KIF24: variants seen among roughly 807,000 people sequenced by gnomAD.
The protein encoded by KIF24 is kinesin family member 24.
Under a neutral mutation model 118.9 loss-of-function variants are expected in KIF24, and 81 were observed. The ratio of observed to expected loss-of-function variants is 0.68; its 90% CI spans 0.57 to 0.82. The LOEUF (loss-of-function observed/expected upper bound fraction) is 0.82, where lower values mean the gene tolerates loss of function less well. Among genes scored for constraint, KIF24 ranks in the 40% least tolerant of loss-of-function variants. The pLI is 0.00. For missense variants in KIF24, 1,560 were observed against 1,661.6 expected, an observed-to-expected ratio of 0.94 and a Z score of 1.06; for synonymous variants, 599 against 610.0, an observed-to-expected ratio of 0.98 and a Z score of 0.27.
At chr9:34,329,571 G>C (rs1188388245), upstream of KIF24, 1 of 152,262 alleles carries the variant, frequency 6.6e-6, no homozygotes, top group Non-Finnish European at 1.5e-5. Flanking sequence ...TTCCGTCCAA[G>C]GTCCGCCTCC....
chr9:34,259,639 C>G lies in KIF24; in HGVS notation c.1582G>C (p.Val528Leu). The G allele has an allele frequency of 6.2e-7, 1 of 1,613,868 alleles. No homozygotes were observed. The highest frequency in any genetic ancestry group is 8.5e-7 in the Non-Finnish European group (1 of 1,179,814). The stretch of plus-strand genomic sequence containing the variant: ...GTGTTGAGAGTGTGTTCAGTGGCCA[C>G]GTGGCTTGGTGAGATGTTGGCGATC... ...CMIANISPSH[V>L]ATEHTLNTLR... The change falls in exon 10 of 13, where the codon GTG (valine) becomes CTG (leucine). Residue 528 changes from valine to leucine, a missense_variant. Around this residue, in one of 3 missense-constraint regions of KIF24, gnomAD observed 964 missense variants for 988.0 expected, o/e 0.98. Transcript: ENST00000402558.
Position 34,257,180 on chromosome 9 carries a change from G to A in KIF24, c.2427C>T (p.His809=). The A allele has an allele frequency of 6.2e-7, 1 of 1,614,024 alleles. No individual in the cohort carries two copies. The highest frequency in any genetic ancestry group is 8.5e-7 in the Non-Finnish European group (1 of 1,179,892). ...QLTNETPPLF[H]SYSENHDGAQ... is the part of the protein sequence containing the mutation. ...CTCCATCATGGTTTTCAGAGTAAGA[G>A]TGGAACAGAGGCGGAGTCTCATTCG... The change falls in exon 11 of 13, where the codon CAC becomes CAT. Residue 809 remains histidine (H), a synonymous_variant. Transcript: ENST00000402558.
intron 1 of KIF24, chr9:34,319,061 G>A: frequency 7.7e-7 from 1 of 1,302,808 alleles, no homozygotes; most frequent in Non-Finnish European, 1.1e-6. Context: ...CAAGATGGTG[G>A]AAAACCGTGG....
At chr9:34,293,999 T>C (rs545327680) in intron 4 of KIF24, among the ~76,000 whole-genome samples, 21 of 152,356 alleles carry the variant, frequency 1.4e-4, no homozygotes, top group Admixed American at 1.2e-3. Context: ...AGACAGGGTC[T>C]TGCTCTGTTG....
chr9:34,305,767 C>A (rs1249701607), intron 3 of KIF24, among the ~76,000 whole-genome samples: 4 of 151,988 alleles, frequency 2.6e-5, no homozygotes, highest in Non-Finnish European at 5.9e-5. Context: ...CCATGCTGGG[C>A]TAGTTTTAAG....
intron 1 of KIF24, among the ~76,000 whole-genome samples, chr9:34,325,169 C>T (rs891763796): frequency 4.0e-5 from 6 of 151,408 alleles, no homozygotes; most frequent in African/African-American, 1.2e-4. Flanking sequence ...GAGAACCCAT[C>T]TCTATAAATA....
chr9:34,330,752 G>A (rs1837894183), upstream of KIF24, among the ~76,000 whole-genome samples: 1 of 152,116 alleles, frequency 6.6e-6, no homozygotes, highest in African/African-American at 2.4e-5. Context: ...ACGAGGTCAG[G>A]AGATCGAGAC....
chr9:34,315,835 T>C (rs1470745288), intron 1 of KIF24, among the ~76,000 whole-genome samples: 12 of 151,736 alleles, frequency 7.9e-5, no homozygotes, highest in Admixed American at 7.9e-4. Flanking sequence ...TTGAGAACAG[T>C]CTGGCCAACA....
At chr9:34,297,201 A>G in intron 3 of KIF24, 87 bp from the exon 4 acceptor site, 2 of 731,590 alleles carry the variant, frequency 2.7e-6, no homozygotes, top group Non-Finnish European at 4.6e-6. Flanking sequence ...AAATGCCAAA[A>G]TATGTCTTTA....
intron 1 of KIF24, among the ~76,000 whole-genome samples, chr9:34,327,532 C>T (rs7040339): frequency 0.95 from 143,877 of 152,176 alleles, 68,292 homozygotes; most frequent in Non-Finnish European, 0.99. Context: ...ATGTAATATG[C>T]ATATAAAGCC....
At chr9:34,308,530 C>A (rs1345333181) in intron 2 of KIF24, among the ~76,000 whole-genome samples, 1 of 151,542 alleles carries the variant, frequency 6.6e-6, no homozygotes, top group Non-Finnish European at 1.5e-5. Flanking sequence ...GTGATCCACC[C>A]GCCTTGGCCT....
chr9:34,268,886 T>C (rs1010126130), intron 8 of KIF24, among the ~76,000 whole-genome samples: 17 of 152,204 alleles, frequency 1.1e-4, no homozygotes, highest in Admixed American at 8.5e-4. Flanking sequence ...CTGTTGAATC[T>C]GACAGGTATA....
At chr9:34,268,192 GCT>G (rs1472593938) in intron 8 of KIF24, among the ~76,000 whole-genome samples, 1 of 152,038 alleles carries the variant, frequency 6.6e-6, no homozygotes, top group African/African-American at 2.4e-5. Flanking sequence ...ATGGAGTCTT[GCT>G]CTGTTGTTGC....
At chr9:34,311,831 T>C (rs527531476) in intron 1 of KIF24, among the ~76,000 whole-genome samples, 1 of 151,116 alleles carries the variant, frequency 6.6e-6, no homozygotes, top group African/African-American at 2.4e-5. Flanking sequence ...AATGAACACA[T>C]ACATAACACA....
chr9:34,275,094 A>G (rs1835609970), intron 6 of KIF24, among the ~76,000 whole-genome samples: 1 of 152,192 alleles, frequency 6.6e-6, no homozygotes, highest in African/African-American at 2.4e-5. Context: ...GGGTGACTAT[A>G]GTCAACAATA....
At chr9:34,319,303 G>A (rs1410959791) in intron 1 of KIF24, 1 of 977,266 alleles carries the variant, frequency 1.0e-6, no homozygotes. Flanking sequence ...GCAGAAGCCT[G>A]TCGCCATCTC....
chr9:34,327,107 A>G (rs1437772445), intron 1 of KIF24, among the ~76,000 whole-genome samples: 2 of 152,208 alleles, frequency 1.3e-5, no homozygotes, highest in Non-Finnish European at 2.9e-5. Context: ...CTTATTCAAC[A>G]CGATATGAAC....
chr9:34,300,506 T>C (rs1836658292), intron 3 of KIF24, among the ~76,000 whole-genome samples: 1 of 151,868 alleles, frequency 6.6e-6, no homozygotes, highest in Non-Finnish European at 1.5e-5. Context: ...GTAGCTGGGA[T>C]TACAGTGCCC....
At chr9:34,302,489 A>G (rs781029478) in intron 3 of KIF24, among the ~76,000 whole-genome samples, 4 of 148,524 alleles carry the variant, frequency 2.7e-5, no homozygotes, top group Non-Finnish European at 4.5e-5. Context: ...TTTTTGAGAC[A>G]GAGTCTCACT....
Sources: allele counts gnomAD v4.1 joint callset (sites outside exome capture counted in the v4.1 genomes callset), GRCh38; gene constraint gnomAD v4.1.1; regional missense constraint gnomAD v4.1.1; transcripts MANE v1.5; gene names NCBI Gene and HGNC (gene_info 2026-07-23, HGNC 2026-07-21).